Variants in PACS1 observed in about 807,000 individuals in gnomAD.
PACS1 encodes PACS-1.
In PACS1, 24 loss-of-function variants were observed where a neutral mutation model predicts 115.0. That is an observed-to-expected ratio of 0.21 (90% CI 0.15 to 0.29). PACS1 has a LOEUF of 0.29. PACS1 is among the 10% of genes least tolerant of loss of function. The pLI is 1.00. For synonymous variants in PACS1, 453 were observed against 504.5 expected (o/e 0.90, Z 1.37); for missense variants, 838 against 1,251.2 (o/e 0.67, Z 4.98).
chr11:66,081,874 GTCT>G (rs1331100306), intron 1 of PACS1, among the ~76,000 whole-genome samples: 1 of 151,918 alleles, frequency 6.6e-6, no homozygotes, highest in Non-Finnish European at 1.5e-5. Flanking sequence ...TTTTTCTCTT[GTCT>G]TTTTAAGTTT....
In PACS1 at chr11:66,221,239, A is replaced by G; in HGVS notation, c.1285A>G (p.Thr429Ala). ...NSKGSLGKDT[T>A]SPMELAALEK... The stretch of plus-strand genomic sequence containing the variant: ...CAAAGGCAGCCTCGGAAAAGACACC[A>G]CCAGCCCTGTGAGCGCAACCGCGAC... Residue 429 changes from threonine to alanine, a missense_variant, in exon 10 of 24, where the codon ACC becomes GCC. This residue lies in a region of PACS1 where 383 missense variants were observed against 537.0 expected (regional missense o/e 0.71). Transcript: ENST00000320580. The G allele has an allele frequency of 1.9e-6, 3 of 1,614,150 alleles. No individual in the cohort carries two copies. Among genetic ancestry groups the G allele is most frequent in the Non-Finnish European group, 2.5e-6 (3 of 1,180,002 alleles).
In PACS1 at chr11:66,209,112, GT is replaced by G. The variant is rs545889863; in HGVS notation, c.445-1247del. On this transcript the variant is annotated intron_variant, in intron 2 of 23. Coordinates refer to ENST00000320580, the MANE Select transcript of PACS1 (RefSeq NM_018026.4). ...GAGGGCTGTCTAACCCAAATACAAG[GT>G]TTGGAGGCGGGGAGGTTACAGAGGA... is the stretch of plus-strand genomic sequence containing the variant. 1.2e-4 allele frequency among the ~76,000 whole-genome samples: 18 copies of G among 152,154 alleles called. No individual in the cohort carries two copies. In the East Asian group the frequency reaches 3.5e-3, roughly 29 times the overall value.
At chr11:66,102,961 G>C (rs564016790) in intron 1 of PACS1, among the ~76,000 whole-genome samples, 14 of 152,194 alleles carry the variant, frequency 9.2e-5, no homozygotes, top group African/African-American at 2.9e-4. Context: ...TTCCCGAGTA[G>C]CTGGGATTAA....
At chr11:66,199,665 C>G (rs1453975761) in intron 2 of PACS1, among the ~76,000 whole-genome samples, 1 of 152,068 alleles carries the variant, frequency 6.6e-6, no homozygotes, top group East Asian at 1.9e-4. Flanking sequence ...TCAATAATAA[C>G]ATTGAATGTA....
intron 1 of PACS1, among the ~76,000 whole-genome samples, chr11:66,093,520 A>G (rs1227229762): frequency 2.1e-4 from 31 of 144,224 alleles, no homozygotes; most frequent in South Asian, 9.5e-4. Flanking sequence ...TATGCACCCA[A>G]TACAGGAGCA....
intron 2 of PACS1, among the ~76,000 whole-genome samples, chr11:66,193,818 T>G (rs1854586759): frequency 6.6e-6 from 1 of 152,206 alleles, no homozygotes; most frequent in Non-Finnish European, 1.5e-5. Context: ...TTCCTACACA[T>G]ACTGTGAGGA....
intron 1 of PACS1, among the ~76,000 whole-genome samples, chr11:66,187,639 CA>C (rs1397132255): frequency 2.6e-5 from 4 of 152,176 alleles, no homozygotes. Flanking sequence ...GACAGGATCT[CA>C]CACTTTTTTA....
chr11:66,191,901 T>C (rs922103520), intron 1 of PACS1, among the ~76,000 whole-genome samples: 1 of 152,046 alleles, frequency 6.6e-6, no homozygotes, highest in Non-Finnish European at 1.5e-5. Context: ...TGGGTGCCTG[T>C]AATCCCAGCT....
intron 17 of PACS1, 68 bp downstream of exon 17, chr11:66,234,310 G>A: frequency 1.0e-6 from 1 of 982,412 alleles, no homozygotes; most frequent in Middle Eastern, 2.2e-4. Flanking sequence ...GGCTGCAGAA[G>A]GAGGCTGAGG....
At chr11:66,099,833 A>G (rs1590743666) in intron 1 of PACS1, among the ~76,000 whole-genome samples, 2 of 151,590 alleles carry the variant, frequency 1.3e-5, no homozygotes, top group East Asian at 3.9e-4. Context: ...GGCATGAGCC[A>G]CCATGCCTGG....
chr11:66,141,256 T>C (rs1422948694), intron 1 of PACS1, among the ~76,000 whole-genome samples: 3 of 152,228 alleles, frequency 2.0e-5, no homozygotes, highest in Non-Finnish European at 2.9e-5. Context: ...CCTAATGTTA[T>C]TAACACAGAA....
At chr11:66,142,787 C>T (rs1311303877) in intron 1 of PACS1, among the ~76,000 whole-genome samples, 2 of 151,970 alleles carry the variant, frequency 1.3e-5, no homozygotes, top group African/African-American at 4.8e-5. Flanking sequence ...GAAGGTTCAA[C>T]CTGCTGCCAT....
intron 20 of PACS1, 25 bp downstream of exon 20, chr11:66,238,871 G>T (rs773549655): frequency 6.4e-7 from 1 of 1,562,150 alleles, no homozygotes; most frequent in South Asian, 1.2e-5. Flanking sequence ...CCCTTGTTCT[G>T]TGGAGTGAGG....
chr11:66,157,609 G>A (rs1057096557), intron 1 of PACS1, among the ~76,000 whole-genome samples: 2 of 152,020 alleles, frequency 1.3e-5, no homozygotes, highest in African/African-American at 4.8e-5. Context: ...AGGGTGGGAG[G>A]CAGGTTTCTT....
chr11:66,190,542 C>T (rs1008873651), intron 1 of PACS1, among the ~76,000 whole-genome samples: 1 of 152,182 alleles, frequency 6.6e-6, no homozygotes, highest in Non-Finnish European at 1.5e-5. Flanking sequence ...TCTCCTGCCT[C>T]AGCCTCCCAC....
At chr11:66,153,955 G>A (rs1286497084) in intron 1 of PACS1, among the ~76,000 whole-genome samples, 2 of 152,126 alleles carry the variant, frequency 1.3e-5, no homozygotes, top group African/African-American at 4.8e-5. Context: ...AAAGTGAAAG[G>A]ATGGAAAAAG....
intron 1 of PACS1, among the ~76,000 whole-genome samples, chr11:66,111,976 T>G (rs2134546784): frequency 6.6e-6 from 1 of 152,298 alleles, no homozygotes; most frequent in Middle Eastern, 3.4e-3. Flanking sequence ...CTGCCTCATG[T>G]AGTCCCTCAG....
intron 10 of PACS1, among the ~76,000 whole-genome samples, chr11:66,224,728 G>A (rs1028614278): frequency 1.3e-4 from 20 of 152,132 alleles, no homozygotes; most frequent in African/African-American, 4.8e-4. Context: ...GGTATGAAAG[G>A]CGCTTTGGGA....
In PACS1 at chr11:66,070,405, C is replaced by T. The variant is rs865965699; in HGVS notation, c.-82C>T. On this transcript the variant is annotated 5_prime_UTR_variant, in exon 1 of 24. Transcript: ENST00000320580. This position sits in a 1 kb window ranked among gnomAD's most constrained non-coding sequence, Gnocchi z 5.9. ...CAGGCGGGCTGAGGAGGCTGCCGCGCCCCCGCCGCCGCCGCCGCGGGGGAA... is the reference window on the plus strand; with the variant it reads ...CAGGCGGGCTGAGGAGGCTGCCGCGTCCCCGCCGCCGCCGCCGCGGGGGAA... 1.8e-5 allele frequency: 16 copies of T among 871,910 alleles called. No individual in the cohort carries two copies. The highest frequency in any genetic ancestry group is 4.6e-5 in the Admixed American group (1 of 21,522). 54.0% of individuals were successfully genotyped at this position (871,910 alleles called of 1,614,324 possible). A position where few individuals can be genotyped will look rare whatever the true frequency, so the allele number is the denominator to read the frequency against.
Sources: allele counts gnomAD v4.1 joint callset (sites outside exome capture counted in the v4.1 genomes callset), GRCh38; gene constraint gnomAD v4.1.1; regional missense constraint gnomAD v4.1.1; non-coding constraint Gnocchi (gnomAD v3.1); transcripts MANE v1.5; gene names NCBI Gene and HGNC (gene_info 2026-07-23, HGNC 2026-07-21).